Variants in PAQR8 observed in about 807,000 individuals in gnomAD.
The protein encoded by PAQR8 is membrane progestin receptor beta.
In PAQR8, 17 loss-of-function variants were observed where a neutral mutation model predicts 25.2. That is an observed-to-expected ratio of 0.67 (90% CI 0.46 to 1.01). The LOEUF (loss-of-function observed/expected upper bound fraction) is 1.01, where lower values mean the gene tolerates loss of function less well. Among genes scored for constraint, PAQR8 ranks in the 50% least tolerant of loss-of-function variants. The probability of loss-of-function intolerance (pLI) is 0.00; values close to 1 mark genes in which losing one functional copy is unlikely to be tolerated. For synonymous variants in PAQR8, 204 were observed against 190.6 expected (o/e 1.07, Z -0.58); for missense variants, 392 against 448.4 (o/e 0.87, Z 1.14).
intron 1 of PAQR8, among the ~76,000 whole-genome samples, chr6:52,399,258 AG>A (rs1334761665): frequency 6.6e-6 from 1 of 152,180 alleles, no homozygotes; most frequent in African/African-American, 2.4e-5. Context: ...GTCATGAGGG[AG>A]GCTGGTGATA....
At chr6:52,385,280 T>C (rs1291566899) in intron 1 of PAQR8, among the ~76,000 whole-genome samples, 1 of 152,152 alleles carries the variant, frequency 6.6e-6, no homozygotes, top group Non-Finnish European at 1.5e-5. Flanking sequence ...ATATAAGACA[T>C]CCCTTTTCTC....
intron 1 of PAQR8, among the ~76,000 whole-genome samples, chr6:52,396,158 C>T (rs929194873): frequency 6.6e-6 from 1 of 152,146 alleles, no homozygotes; most frequent in Non-Finnish European, 1.5e-5. Context: ...AGTAAACAAA[C>T]GAACCCAGCT....
At chr6:52,363,992 G>T (rs9382101) in intron 1 of PAQR8, among the ~76,000 whole-genome samples, 1 of 150,880 alleles carries the variant, frequency 6.6e-6, no homozygotes, top group African/African-American at 2.4e-5. Context: ...ATTATGTATG[G>T]TAATTATTTC....
chr6:52,395,601 T>C (rs1461762511), intron 1 of PAQR8, among the ~76,000 whole-genome samples: 1 of 152,182 alleles, frequency 6.6e-6, no homozygotes, highest in Non-Finnish European at 1.5e-5. Flanking sequence ...ACAAAACAAA[T>C]AATATTCCTT....
At chr6:52,382,157 A>T (rs1763568842) in intron 1 of PAQR8, among the ~76,000 whole-genome samples, 1 of 152,214 alleles carries the variant, frequency 6.6e-6, no homozygotes, top group South Asian at 2.1e-4. Context: ...AAGGTTGTAT[A>T]TGGTAGCATC....
At chr6:52,380,411 A>G (rs1763545881) in intron 1 of PAQR8, among the ~76,000 whole-genome samples, 1 of 152,210 alleles carries the variant, frequency 6.6e-6, no homozygotes, top group South Asian at 2.1e-4. Flanking sequence ...ACTCATTTGG[A>G]AAAACAATCC....
intron 1 of PAQR8, among the ~76,000 whole-genome samples, chr6:52,382,655 A>G (rs532050435): frequency 6.6e-6 from 1 of 152,350 alleles, no homozygotes; most frequent in South Asian, 2.1e-4. Context: ...GTTTTATTGT[A>G]TCATTATATG....
chr6:52,385,280 T>A (rs1291566899), intron 1 of PAQR8, among the ~76,000 whole-genome samples: 1 of 152,152 alleles, frequency 6.6e-6, no homozygotes, highest in Non-Finnish European at 1.5e-5. Context: ...ATATAAGACA[T>A]CCCTTTTCTC....
chr6:52,403,312 G>A lies in PAQR8; in HGVS notation c.99G>A (p.Met33Ile). Residue 33 changes from methionine (M) to isoleucine (I), a missense_variant, in exon 2 of 2, where the codon ATG becomes ATA. By Grantham distance (10) the Met-to-Ile change is conservative. Coordinates refer to ENST00000442253, the MANE Select transcript of PAQR8 (RefSeq NM_133367.5). ...PKILEDGLPK[M>I]PCTVPETDVP... Reference sequence around the variant, plus strand: ...TCCTGGAGGATGGGCTTCCCAAGATGCCTTGCACTGTCCCAGAAACGGATG... The same window carrying A: ...TCCTGGAGGATGGGCTTCCCAAGATACCTTGCACTGTCCCAGAAACGGATG... 1 of 1,614,162 alleles carries A rather than the reference G, an allele frequency of 6.2e-7. No homozygotes were observed.
intron 1 of PAQR8, among the ~76,000 whole-genome samples, chr6:52,368,543 T>C (rs1014368121): frequency 1.3e-5 from 2 of 152,194 alleles, no homozygotes; most frequent in Non-Finnish European, 2.9e-5. Context: ...GTTGTTAAAC[T>C]TTTGTTTAGT....
At chr6:52,403,137 G>A (rs2113952973) in intron 1 of PAQR8, 25 bp from the exon 2 acceptor site, 2 of 1,304,866 alleles carry the variant, frequency 1.5e-6, no homozygotes, top group East Asian at 4.9e-5. Flanking sequence ...CTGCGGCTTT[G>A]CCAATTTTCC....
At chr6:52,402,052 G>A (rs1357779559) in intron 1 of PAQR8, among the ~76,000 whole-genome samples, 1 of 152,140 alleles carries the variant, frequency 6.6e-6, no homozygotes, top group Non-Finnish European at 1.5e-5. Context: ...GCCTCACACT[G>A]AGTGTAGTAA....
chr6:52,380,057 G>A (rs1202579796), intron 1 of PAQR8, among the ~76,000 whole-genome samples: 3 of 152,176 alleles, frequency 2.0e-5, no homozygotes, highest in African/African-American at 2.4e-5. Flanking sequence ...CACCCGACCC[G>A]GCCTGGATTT....
chr6:52,386,061 AAGAC>A (rs766345057), intron 1 of PAQR8, among the ~76,000 whole-genome samples: 6 of 152,200 alleles, frequency 3.9e-5, no homozygotes, highest in Non-Finnish European at 7.3e-5. Context: ...TTCTCAAAAG[AAGAC>A]AGACAAGTGG....
chr6:52,368,008 C>T (rs565074367), intron 1 of PAQR8, among the ~76,000 whole-genome samples: 10 of 152,152 alleles, frequency 6.6e-5, no homozygotes, highest in African/African-American at 1.9e-4. Context: ...ATGGGAAGAT[C>T]GCTTGAGCCC....
At chr6:52,399,510 A>G (rs1268536823) in intron 1 of PAQR8, among the ~76,000 whole-genome samples, 1 of 152,204 alleles carries the variant, frequency 6.6e-6, no homozygotes, top group Non-Finnish European at 1.5e-5. Flanking sequence ...TATTTTAAGG[A>G]TATGAAGATT....
At chr6:52,393,826 T>C (rs558627378) in intron 1 of PAQR8, among the ~76,000 whole-genome samples, 1 of 152,204 alleles carries the variant, frequency 6.6e-6, no homozygotes, top group Non-Finnish European at 1.5e-5. Flanking sequence ...GGACTTTAAG[T>C]GCAGTGGCAG....
chr6:52,376,726 G>T (rs1405449232), intron 1 of PAQR8, among the ~76,000 whole-genome samples: 1 of 152,098 alleles, frequency 6.6e-6, no homozygotes, highest in Non-Finnish European at 1.5e-5. Context: ...AATCACTTCT[G>T]GCTTACTGTT....
chr6:52,378,504 G>T (rs1185188865), intron 1 of PAQR8, among the ~76,000 whole-genome samples: 1 of 152,182 alleles, frequency 6.6e-6, no homozygotes, highest in Non-Finnish European at 1.5e-5. Flanking sequence ...TAAAAAGGAA[G>T]AAAATTGGCC....
Sources: gnomAD v4.1 joint callset for allele counts (sites outside exome capture counted in the v4.1 genomes callset) on GRCh38, gnomAD v4.1.1 for gene constraint, MANE v1.5 for transcripts, NCBI Gene and HGNC (gene_info 2026-07-23, HGNC 2026-07-21) for gene names.